Variants in FYB2 observed in about 807,000 individuals in gnomAD.
FYB2 encodes FYN binding protein 2.
Under a neutral mutation model 94.1 loss-of-function variants are expected in FYB2, and 103 were observed. The observed-to-expected ratio is 1.09, with a 90% CI of 0.93 to 1.29. The LOEUF (loss-of-function observed/expected upper bound fraction) is 1.29. FYB2 is among the 50% of genes most tolerant of loss of function. FYB2 has a pLI of 0.00. For missense variants in FYB2, 896 were observed against 841.5 expected (o/e 1.06, Z -0.80); for synonymous variants, 293 against 287.9 (o/e 1.02, Z -0.18).
intron 14 of FYB2, 26 bp from the exon 15 acceptor site, chr1:56,737,173 G>A (rs1644847665): frequency 6.5e-7 from 1 of 1,536,790 alleles, no homozygotes; most frequent in Non-Finnish European, 8.9e-7. Flanking sequence ...AATCAAAATA[G>A]TCCATTATTA....
intron 14 of FYB2, among the ~76,000 whole-genome samples, chr1:56,737,873 G>C (rs1396585635): frequency 1.3e-5 from 2 of 152,024 alleles, no homozygotes. Context: ...TTTAAACACA[G>C]ACCAAGGATA....
rs368952990 is a variant in FYB2 at position 56,760,501 on chromosome 1, C to T, written c.1064-1751G>A. Among the ~76,000 whole-genome samples, 9 of 152,228 alleles carry T rather than the reference C, an allele frequency of 5.9e-5. No homozygotes were observed. In the South Asian group the frequency reaches 1.0e-3, roughly 18 times the overall value. On this transcript the variant is annotated intron_variant, in intron 5 of 19. Transcript: ENST00000343433. ...TAATACTTTAAATTAGGTAATTGTA[C>T]ACTTATTAATACTTTAAAAATACCT...
At chr1:56,738,990 T>C (rs1644890756) in intron 13 of FYB2, among the ~76,000 whole-genome samples, 2 of 152,062 alleles carry the variant, frequency 1.3e-5, no homozygotes, top group East Asian at 3.9e-4. Flanking sequence ...TTCCAGACCA[T>C]GAGAATGTCA....
intron 1 of FYB2, among the ~76,000 whole-genome samples, chr1:56,813,613 A>G (rs1238494750): frequency 6.6e-6 from 1 of 152,124 alleles, no homozygotes; most frequent in Admixed American, 6.5e-5. Flanking sequence ...ATAAGGTCAC[A>G]TTCTGAGGTG....
Position 56,788,961 on chromosome 1 carries a change from G to A in FYB2, c.919+12C>T. On this transcript the variant is annotated intron_variant, in intron 3 of 19. Transcript: ENST00000343433. ...TGGTTGGCCTTGTGTAGGGCCCTGTGCATTTCCTTACCTTCCCCCTGAGTC... is the reference window on the plus strand; with the variant it reads ...TGGTTGGCCTTGTGTAGGGCCCTGTACATTTCCTTACCTTCCCCCTGAGTC... The A allele has an allele frequency of 1.2e-6, 2 of 1,613,992 alleles. No homozygotes were observed. Among genetic ancestry groups the A allele is most frequent in the South Asian group, 2.2e-5 (2 of 91,070 alleles).
intron 4 of FYB2, among the ~76,000 whole-genome samples, chr1:56,781,552 C>G (rs1457439068): frequency 6.6e-6 from 1 of 152,176 alleles, no homozygotes; most frequent in Non-Finnish European, 1.5e-5. Context: ...GTATAAAGTA[C>G]TTAGAATAAA....
intron 15 of FYB2, among the ~76,000 whole-genome samples, chr1:56,728,283 G>T (rs540898012): frequency 6.6e-6 from 1 of 152,044 alleles, no homozygotes; most frequent in Admixed American, 6.6e-5. Flanking sequence ...TTTCAGCTTG[G>T]CACAAAGATT....
intron 13 of FYB2, among the ~76,000 whole-genome samples, chr1:56,739,088 G>A (rs1644893245): frequency 6.6e-6 from 1 of 152,050 alleles, no homozygotes; most frequent in South Asian, 2.1e-4. Context: ...TAATTTTAGT[G>A]AGAGACAGAA....
chr1:56,797,544 A>G (rs574964485), intron 1 of FYB2, among the ~76,000 whole-genome samples: 44 of 152,210 alleles, frequency 2.9e-4, no homozygotes, highest in African/African-American at 1.0e-3. Context: ...ATTTTGCCCA[A>G]CAGAGGTGTC....
intron 13 of FYB2, among the ~76,000 whole-genome samples, chr1:56,740,230 C>A (rs954147166): frequency 1.3e-5 from 2 of 152,058 alleles, no homozygotes; most frequent in Admixed American, 6.6e-5. Flanking sequence ...CCTTGCAATA[C>A]ACGAACTGTT....
At chr1:56,773,938 AT>A (rs1242727793) in intron 4 of FYB2, among the ~76,000 whole-genome samples, 1 of 152,114 alleles carries the variant, frequency 6.6e-6, no homozygotes, top group Non-Finnish European at 1.5e-5. Context: ...ACAAATTTCT[AT>A]TTCCAGTAAA....
At chr1:56,730,031 CAATATT>C (rs1644670720) in intron 15 of FYB2, among the ~76,000 whole-genome samples, 1 of 151,460 alleles carries the variant, frequency 6.6e-6, no homozygotes. Flanking sequence ...ACAGCAAAAA[CAATATT>C]AAGAGGCAAG....
intron 17 of FYB2, among the ~76,000 whole-genome samples, 199 bp downstream of exon 17, chr1:56,723,389 G>A (rs926265309): frequency 6.6e-6 from 1 of 151,888 alleles, no homozygotes; most frequent in Non-Finnish European, 1.5e-5. Context: ...GTTTTTCCAG[G>A]AAGAAGGAAT....
intron 9 of FYB2, among the ~76,000 whole-genome samples, chr1:56,746,775 G>A (rs1645076906): frequency 6.6e-6 from 1 of 151,848 alleles, no homozygotes; most frequent in African/African-American, 2.4e-5. Context: ...TGTGTGTTTT[G>A]GTGCATTAAA....
chr1:56,722,494 AT>A (rs1268092264), intron 17 of FYB2, among the ~76,000 whole-genome samples: 2 of 152,176 alleles, frequency 1.3e-5, no homozygotes, highest in East Asian at 3.9e-4. Context: ...TAATTAGAAG[AT>A]TTGGGCAAGT....
chr1:56,767,109 C>G (rs1169857761), intron 5 of FYB2, among the ~76,000 whole-genome samples: 1 of 152,170 alleles, frequency 6.6e-6, no homozygotes, highest in East Asian at 1.9e-4. Flanking sequence ...GGGAACCTAA[C>G]ACAGAACTAC....
At chr1:56,739,894 A>G (rs577733743) in intron 13 of FYB2, among the ~76,000 whole-genome samples, 20 of 152,208 alleles carry the variant, frequency 1.3e-4, no homozygotes, top group Admixed American at 1.3e-3. Flanking sequence ...TTAACTTAAC[A>G]TATTTTAGAG....
intron 1 of FYB2, among the ~76,000 whole-genome samples, chr1:56,797,252 T>A (rs1317111350): frequency 1.3e-5 from 2 of 152,106 alleles, no homozygotes; most frequent in Non-Finnish European, 2.9e-5. Flanking sequence ...GCACAGTGTA[T>A]GAGGCTGGAG....
At chr1:56,756,702 G>A (rs985798912) in intron 6 of FYB2, among the ~76,000 whole-genome samples, 4 of 152,064 alleles carry the variant, frequency 2.6e-5, no homozygotes, top group African/African-American at 9.7e-5. Context: ...TGATTTACAG[G>A]TTACTAAACC....
Sources: allele counts gnomAD v4.1 joint callset (sites outside exome capture counted in the v4.1 genomes callset), GRCh38; gene constraint gnomAD v4.1.1; transcripts MANE v1.5; gene names NCBI Gene and HGNC (gene_info 2026-07-23, HGNC 2026-07-21).